The following NRXN1 variants were observed in gnomAD, a reference collection of about 807,000 sequenced individuals.
The protein encoded by NRXN1 is neurexin 1, also known as neurexin-1.
NRXN1 carries 39 observed loss-of-function variants against 150.9 expected under a neutral mutation model. The observed-to-expected ratio is 0.26, with a 90% CI of 0.20 to 0.34. The LOEUF (loss-of-function observed/expected upper bound fraction) is 0.34, where lower values mean the gene tolerates loss of function less well. Among genes scored for constraint, NRXN1 ranks in the 10% least tolerant of loss-of-function variants. The probability of loss-of-function intolerance (pLI) is 1.00; values close to 1 mark genes in which losing one functional copy is unlikely to be tolerated. For synonymous variants in NRXN1, 924 were observed against 757.0 expected (o/e 1.22, Z -3.62); for missense variants, 1,815 against 1,949.9 (o/e 0.93, Z 1.30).
intron 12 of NRXN1, among the ~76,000 whole-genome samples, chr2:50,521,887 G>T (rs186467912): frequency 6.6e-6 from 1 of 152,122 alleles, no homozygotes; most frequent in Non-Finnish European, 1.5e-5. Flanking sequence ...CTAAGATCTG[G>T]TGAGTAGCTT....
intron 21 of NRXN1, among the ~76,000 whole-genome samples, chr2:50,050,451 G>A (rs1353039579): frequency 6.6e-6 from 1 of 151,894 alleles, no homozygotes; most frequent in Non-Finnish European, 1.5e-5. Context: ...TGTTATCACT[G>A]AGAAAAATGC....
intron 5 of NRXN1, among the ~76,000 whole-genome samples, chr2:50,904,481 C>T (rs963150037): frequency 8.6e-5 from 13 of 152,022 alleles, no homozygotes; most frequent in Non-Finnish European, 1.8e-4. Flanking sequence ...GGGAATGGGA[C>T]CGTGTGGAAA....
rs1160454274 is a variant in NRXN1, at chr2:50,198,492, A to T, written c.3546+38297T>A. ...AATTATACCTTCTGATTTTTCCCCA[A>T]CCTCTCGAATGCCCATAATGTAACT... On this transcript the variant is annotated intron_variant, in intron 18 of 22. Coordinates refer to ENST00000401669, the MANE Select transcript of NRXN1 (RefSeq NM_001330078.2). 7.9e-5 allele frequency among the ~76,000 whole-genome samples: 12 copies of T among 152,080 alleles called. No homozygotes were observed. In the East Asian group the frequency reaches 2.3e-3, roughly 29 times the overall value.
At chr2:50,596,413 G>A (rs1675212942) in intron 8 of NRXN1, among the ~76,000 whole-genome samples, 1 of 152,092 alleles carries the variant, frequency 6.6e-6, no homozygotes, top group Non-Finnish European at 1.5e-5. Flanking sequence ...CTTTGTTGAT[G>A]TACACCATTT....
intron 17 of NRXN1, among the ~76,000 whole-genome samples, chr2:50,254,361 C>T (rs868857660): frequency 6.6e-6 from 1 of 150,852 alleles, no homozygotes; most frequent in Non-Finnish European, 1.5e-5. Context: ...TTTCAAAAGA[C>T]CAGCTCCTGG....
chr2:50,495,374 GTGTGT>G (rs2091515970), intron 15 of NRXN1, among the ~76,000 whole-genome samples: 1 of 7,708 alleles, frequency 1.3e-4, no homozygotes, highest in African/African-American at 4.8e-4. Flanking sequence ...GTGTGTGTGT[GTGTGT>G]GGTGTGTGTG....
intron 2 of NRXN1, among the ~76,000 whole-genome samples, chr2:51,021,219 GCA>G (rs1669556055): frequency 6.6e-6 from 1 of 151,842 alleles, no homozygotes; most frequent in Admixed American, 6.6e-5. Context: ...CTTTTTGAGA[GCA>G]CAGTTTGCAC....
intron 5 of NRXN1, among the ~76,000 whole-genome samples, chr2:50,886,483 C>A (rs1680266790): frequency 6.6e-6 from 1 of 151,106 alleles, no homozygotes; most frequent in Non-Finnish European, 1.5e-5. Context: ...TTAGGACACA[C>A]AAAATTACTA....
In NRXN1 at chr2:50,495,445, T is replaced by C. The variant is rs376305950; in HGVS notation, c.3070+460A>G. On this transcript the variant is annotated intron_variant, in intron 15 of 22. Coordinates refer to ENST00000401669, the MANE Select transcript of NRXN1 (RefSeq NM_001330078.2). Reference sequence around the variant, plus strand: ...TTGGGATGGGGGATAGAATTCACTGTTGGAGACACAGGGTTTCTAAGCCAG... The same window carrying C: ...TTGGGATGGGGGATAGAATTCACTGCTGGAGACACAGGGTTTCTAAGCCAG... Among the ~76,000 whole-genome samples, 21 of 148,576 alleles carry C rather than the reference T, an allele frequency of 1.4e-4. 1 individual carries two copies. Among genetic ancestry groups the C allele is most frequent in the African/African-American group, 5.0e-4 (20 of 40,192 alleles).
chr2:50,999,468 T>C (rs1328094345), intron 2 of NRXN1, among the ~76,000 whole-genome samples: 12 of 151,966 alleles, frequency 7.9e-5, no homozygotes, highest in Non-Finnish European at 4.4e-5. Flanking sequence ...GCACATCTTC[T>C]ATGTGACAAG....
intron 5 of NRXN1, among the ~76,000 whole-genome samples, chr2:50,874,445 C>T (rs17570579): frequency 0.14 from 20,830 of 151,550 alleles, 1,598 homozygotes; most frequent in Non-Finnish European, 0.18. Flanking sequence ...AATAGGGGTA[C>T]TGGTCACACA....
chr2:50,848,523 C>T lies in NRXN1; in HGVS notation c.832+73346G>A, dbSNP rs371166692. Among the ~76,000 whole-genome samples the T allele has an allele frequency of 1.3e-4, 19 of 151,842 alleles. 1 individual carries two copies. The highest frequency in any genetic ancestry group is 4.1e-4 in the African/African-American group (17 of 41,346). ...TGCTATTTACCAACAATTTCAGAGGCGGGAGAGAAGTTTGAAGGATTTCTA... is the reference window on the plus strand; with the variant it reads ...TGCTATTTACCAACAATTTCAGAGGTGGGAGAGAAGTTTGAAGGATTTCTA... On this transcript the variant is annotated intron_variant, in intron 5 of 22. Coordinates refer to ENST00000401669, the MANE Select transcript of NRXN1 (RefSeq NM_001330078.2).
intron 19 of NRXN1, among the ~76,000 whole-genome samples, chr2:50,055,770 T>A (rs545505529): frequency 6.6e-6 from 1 of 152,294 alleles, no homozygotes; most frequent in African/African-American, 2.4e-5. Flanking sequence ...AAATAACATT[T>A]GAAAAAATAA....
Position 49,969,277 on chromosome 2 carries a change from G to C in NRXN1, c.4129-25486C>G, listed in dbSNP as rs1162451792. 2.6e-5 allele frequency among the ~76,000 whole-genome samples: 4 copies of C among 151,990 alleles called. No individual in the cohort carries two copies. In the East Asian group the frequency reaches 7.7e-4, roughly 29 times the overall value. On this transcript the variant is annotated intron_variant, in intron 21 of 22. Coordinates refer to ENST00000401669, the MANE Select transcript of NRXN1 (RefSeq NM_001330078.2). ...CTCAAATCTAGCTGTGCTAATGGAG[G>C]GATGCATGGTATATAATTAAAACAA...
intron 15 of NRXN1, among the ~76,000 whole-genome samples, chr2:50,486,861 G>A (rs1043552756): frequency 1.3e-5 from 2 of 152,208 alleles, no homozygotes; most frequent in African/African-American, 4.8e-5. Flanking sequence ...AGCCCTCCTA[G>A]TCCTTTTTAT....
At chr2:50,933,040 C>T (rs1194742280) in intron 2 of NRXN1, among the ~76,000 whole-genome samples, 2 of 151,634 alleles carry the variant, frequency 1.3e-5, no homozygotes, top group African/African-American at 4.8e-5. Context: ...CAAGAAAAAA[C>T]AAAACAAAAC....
chr2:50,698,130 T>C (rs1693199341), intron 5 of NRXN1, among the ~76,000 whole-genome samples: 1 of 152,264 alleles, frequency 6.6e-6, no homozygotes. Context: ...GGCAGGGTCA[T>C]GGTCTTGTTT....
At chr2:50,741,241 A>T (rs367635537) in intron 5 of NRXN1, among the ~76,000 whole-genome samples, 210 of 152,054 alleles carry the variant, frequency 1.4e-3, no homozygotes, top group African/African-American at 5.0e-3. Context: ...ATAATAAATG[A>T]TCCTTTTATT....
chr2:50,528,578 A>C (rs1463563809), intron 12 of NRXN1, 47 bp downstream of exon 12: 2 of 1,097,162 alleles, frequency 1.8e-6, no homozygotes, highest in Non-Finnish European at 2.7e-6. Context: ...ACTAGCTTAC[A>C]TCATAATGGA....
Sources: gnomAD v4.1 joint callset for allele counts (sites outside exome capture counted in the v4.1 genomes callset) on GRCh38, gnomAD v4.1.1 for gene constraint, MANE v1.5 for transcripts, NCBI Gene and HGNC (gene_info 2026-07-23, HGNC 2026-07-21) for gene names.